PARM1: variants seen among roughly 807,000 people sequenced by gnomAD.
PARM1 encodes prostate androgen-regulated mucin-like protein 1, also known as WSC4, cell wall integrity and stress response component 4 homolog.
In PARM1, 14 loss-of-function variants were observed where a neutral mutation model predicts 24.6. That is an observed-to-expected ratio of 0.57 (90% CI 0.38 to 0.89). The LOEUF is 0.89. Ranked by LOEUF, PARM1 falls within the 40% of genes least tolerant of loss-of-function variation. The probability of loss-of-function intolerance (pLI) is 0.00; values close to 1 mark genes in which losing one functional copy is unlikely to be tolerated. For missense variants in PARM1, 362 were observed against 380.4 expected (o/e 0.95, Z 0.40); for synonymous variants, 179 against 156.6 (o/e 1.14, Z -1.07).
chr4:75,040,143 C>G (rs543612050), intron 3 of PARM1, among the ~76,000 whole-genome samples: 2 of 152,316 alleles, frequency 1.3e-5, no homozygotes, highest in South Asian at 2.1e-4. Flanking sequence ...TTTGGGGGTG[C>G]AGCAGTAACA....
At chr4:75,012,070 G>A (rs1007534610) in intron 1 of PARM1, among the ~76,000 whole-genome samples, 2 of 152,120 alleles carry the variant, frequency 1.3e-5, no homozygotes, top group African/African-American at 2.4e-5. Context: ...TTGGCTGCTC[G>A]GCAGTCCAGA....
At chr4:74,937,949 C>A (rs1057404826) in intron 1 of PARM1, among the ~76,000 whole-genome samples, 14 of 152,186 alleles carry the variant, frequency 9.2e-5, no homozygotes, top group Non-Finnish European at 1.9e-4. Context: ...TAAAGTCTCA[C>A]CAAGGACTTT....
At chr4:74,982,957 A>T (rs1722286069) in intron 1 of PARM1, among the ~76,000 whole-genome samples, 1 of 152,194 alleles carries the variant, frequency 6.6e-6, no homozygotes, top group African/African-American at 2.4e-5. Flanking sequence ...CTTTTCTGTT[A>T]ACACTGCAAC....
intron 1 of PARM1, among the ~76,000 whole-genome samples, chr4:74,953,581 C>T (rs1721572382): frequency 6.6e-6 from 1 of 152,212 alleles, no homozygotes; most frequent in African/African-American, 2.4e-5. Flanking sequence ...GAATCTTTTT[C>T]TAAAACAATT....
intron 1 of PARM1, among the ~76,000 whole-genome samples, chr4:74,948,691 C>A (rs191470025): frequency 6.6e-6 from 1 of 152,080 alleles, no homozygotes; most frequent in Non-Finnish European, 1.5e-5. Context: ...TCCAGTTGGC[C>A]GGTTTCCTGT....
intron 1 of PARM1, among the ~76,000 whole-genome samples, chr4:74,992,914 C>G (rs1446377002): frequency 3.3e-5 from 5 of 152,016 alleles, no homozygotes; most frequent in Non-Finnish European, 7.4e-5. Flanking sequence ...CAGAAAGTAT[C>G]TTTTTAAAAT....
intron 1 of PARM1, among the ~76,000 whole-genome samples, chr4:74,961,649 G>A (rs539309959): frequency 6.6e-6 from 1 of 152,266 alleles, no homozygotes; most frequent in Admixed American, 6.5e-5. Flanking sequence ...AGAAAGCAGA[G>A]GGCTGATATA....
At chr4:74,980,832 C>T (rs1345805351) in intron 1 of PARM1, among the ~76,000 whole-genome samples, 1 of 152,188 alleles carries the variant, frequency 6.6e-6, no homozygotes, top group Admixed American at 6.5e-5. Flanking sequence ...CTACAACCAT[C>T]TGATCTTCAA....
At chr4:74,948,998 G>A (rs760241350) in intron 1 of PARM1, among the ~76,000 whole-genome samples, 10 of 152,010 alleles carry the variant, frequency 6.6e-5, no homozygotes, top group Admixed American at 4.6e-4. Context: ...CTCCAGCCTC[G>A]GCGACAGAGC....
chr4:74,941,344 TGTG>T (rs1366507484), intron 1 of PARM1, among the ~76,000 whole-genome samples: 1 of 152,052 alleles, frequency 6.6e-6, no homozygotes, highest in Non-Finnish European at 1.5e-5. Flanking sequence ...CGTGCAGAAA[TGTG>T]GTAAGAAATG....
chr4:75,039,656 C>G (rs992972531), intron 3 of PARM1, among the ~76,000 whole-genome samples: 1 of 152,160 alleles, frequency 6.6e-6, no homozygotes, highest in South Asian at 2.1e-4. Context: ...TGCTGCTGGT[C>G]CAAGGATCAC....
At chr4:74,994,452 A>G (rs1722537159) in intron 1 of PARM1, among the ~76,000 whole-genome samples, 1 of 152,194 alleles carries the variant, frequency 6.6e-6, no homozygotes, top group Admixed American at 6.5e-5. Flanking sequence ...CGGCTACTGC[A>G]TACCATAAAC....
chr4:74,978,557 T>C (rs575968492), intron 1 of PARM1, among the ~76,000 whole-genome samples: 5 of 152,076 alleles, frequency 3.3e-5, no homozygotes, highest in Non-Finnish European at 7.4e-5. Flanking sequence ...ATCATCAAGA[T>C]AGAAAATTAA....
At chr4:75,041,049 C>G (rs927302261) in intron 3 of PARM1, among the ~76,000 whole-genome samples, 3 of 152,136 alleles carry the variant, frequency 2.0e-5, no homozygotes, top group Admixed American at 6.5e-5. Context: ...GTAACATTCA[C>G]CATGTTATTA....
intron 1 of PARM1, among the ~76,000 whole-genome samples, chr4:75,000,635 C>A (rs900769257): frequency 2.0e-5 from 3 of 152,132 alleles, no homozygotes; most frequent in African/African-American, 7.2e-5. Context: ...TGTCTCATAG[C>A]GTATGTTCCA....
intron 1 of PARM1, among the ~76,000 whole-genome samples, chr4:74,934,205 G>A (rs1275307895): frequency 6.6e-6 from 1 of 152,068 alleles, no homozygotes; most frequent in Non-Finnish European, 1.5e-5. Flanking sequence ...TCAGAAAGAC[G>A]CTTTGAATCT....
At chr4:74,950,612 T>C (rs72860921) in intron 1 of PARM1, among the ~76,000 whole-genome samples, 193 of 152,354 alleles carry the variant, frequency 1.3e-3, no homozygotes, top group African/African-American at 4.3e-3. Flanking sequence ...GTTCAACTTA[T>C]AGCAGTTATA....
At chr4:74,986,796 A>G (rs1419916115) in intron 1 of PARM1, among the ~76,000 whole-genome samples, 1 of 152,174 alleles carries the variant, frequency 6.6e-6, no homozygotes, top group African/African-American at 2.4e-5. Flanking sequence ...AGTTCAGACA[A>G]GTCTTAGACA....
chr4:74,971,871 A>G (rs1187199987), intron 1 of PARM1, among the ~76,000 whole-genome samples: 3 of 152,204 alleles, frequency 2.0e-5, no homozygotes, highest in African/African-American at 4.8e-5. Context: ...TGAGAAGTTC[A>G]AGGTATTGGG....
Sources: allele counts gnomAD v4.1 joint callset (sites outside exome capture counted in the v4.1 genomes callset), GRCh38; gene constraint gnomAD v4.1.1; transcripts MANE v1.5; gene names NCBI Gene and HGNC (gene_info 2026-07-23, HGNC 2026-07-21).